Variants in NRXN3 observed in about 807,000 individuals in gnomAD.
NRXN3 encodes neurexin 3.
In NRXN3, 32 loss-of-function variants were observed where a neutral mutation model predicts 137.6. The observed-to-expected ratio is 0.23, with a 90% confidence interval of 0.18 to 0.31. The LOEUF (loss-of-function observed/expected upper bound fraction) is 0.31, where lower values mean the gene tolerates loss of function less well. Ranked by LOEUF, NRXN3 falls within the 10% of genes least tolerant of loss-of-function variation. The pLI, the probability that NRXN3 is intolerant of heterozygous loss-of-function variation, is 1.00. For missense variants in NRXN3, 1,574 were observed against 2,062.5 expected (o/e 0.76, Z 4.59); for synonymous variants, 798 against 784.5 (o/e 1.02, Z -0.29).
intron 8 of NRXN3, among the ~76,000 whole-genome samples, chr14:78,731,576 A>T (rs1051736920): frequency 6.7e-6 from 1 of 150,316 alleles, no homozygotes; most frequent in Non-Finnish European, 1.5e-5. Flanking sequence ...TGTATGCTTT[A>T]TTCTATTATT....
chr14:79,382,162 G>T (rs12888940), intron 15 of NRXN3, among the ~76,000 whole-genome samples: 1 of 152,036 alleles, frequency 6.6e-6, no homozygotes, highest in Non-Finnish European at 1.5e-5. Context: ...GGTAAAGCAC[G>T]TAGGACATCC....
chr14:78,802,216 G>C (rs2098841291), intron 8 of NRXN3, among the ~76,000 whole-genome samples: 1 of 152,208 alleles, frequency 6.6e-6, no homozygotes, highest in Non-Finnish European at 1.5e-5. Flanking sequence ...CTTGGTATCA[G>C]ATATATTGAG....
intron 8 of NRXN3, among the ~76,000 whole-genome samples, chr14:78,787,848 C>A (rs1057423821): frequency 6.6e-6 from 1 of 152,146 alleles, no homozygotes; most frequent in Non-Finnish European, 1.5e-5. Context: ...TGAATGCAAT[C>A]TCTACCATGA....
At chr14:78,783,555 T>C (rs897134107) in intron 8 of NRXN3, among the ~76,000 whole-genome samples, 1 of 152,168 alleles carries the variant, frequency 6.6e-6, no homozygotes, top group Non-Finnish European at 1.5e-5. Context: ...TTGCTATGAT[T>C]GATAATCATA....
intron 20 of NRXN3, among the ~76,000 whole-genome samples, chr14:79,846,483 C>T (rs2099373266): frequency 6.6e-6 from 1 of 152,108 alleles, no homozygotes; most frequent in South Asian, 2.1e-4. Flanking sequence ...TCTGCATGCC[C>T]AATCTACAGC....
At chr14:79,297,935 G>T (rs8005937) in intron 15 of NRXN3, among the ~76,000 whole-genome samples, 1,967 of 152,066 alleles carry the variant, frequency 0.013, 34 homozygotes, top group South Asian at 0.08. Flanking sequence ...TATGCCCCTT[G>T]GTAGGAGAGT....
At chr14:78,571,656 G>A (rs1375654659) in intron 4 of NRXN3, among the ~76,000 whole-genome samples, 5 of 152,148 alleles carry the variant, frequency 3.3e-5, no homozygotes, top group African/African-American at 9.7e-5. Context: ...TGAAAAAGGT[G>A]TGGAGGTATG....
chr14:78,794,729 G>A (rs371029939), intron 8 of NRXN3, among the ~76,000 whole-genome samples: 9 of 151,770 alleles, frequency 5.9e-5, no homozygotes, highest in African/African-American at 1.2e-4. Context: ...TTTTCTTTAT[G>A]TATGTCTACA....
chr14:78,225,699 A>G (rs2153430021), intron 1 of NRXN3, among the ~76,000 whole-genome samples: 1 of 152,204 alleles, frequency 6.6e-6, no homozygotes, highest in East Asian at 1.9e-4. Context: ...TGCATTCCAG[A>G]TAGATAGAAC....
chr14:79,280,409 G>A (rs1367279394), intron 15 of NRXN3: 1 of 1,614,054 alleles, frequency 6.2e-7, no homozygotes, highest in Non-Finnish European at 8.5e-7. Context: ...TTCTAATGTA[G>A]CTTCCTCCTC....
intron 8 of NRXN3, among the ~76,000 whole-genome samples, chr14:78,726,582 A>T (rs1375144859): frequency 7.0e-6 from 1 of 143,262 alleles, no homozygotes; most frequent in Non-Finnish European, 1.5e-5. Flanking sequence ...CAGTGATGCA[A>T]TCTCAGCTCA....
At chr14:78,877,336 C>G (rs111437047) in intron 10 of NRXN3, among the ~76,000 whole-genome samples, 1 of 152,074 alleles carries the variant, frequency 6.6e-6, no homozygotes, top group African/African-American at 2.4e-5. Context: ...CTGAAGGTCC[C>G]CATTCCATGC....
chr14:79,491,307 T>C (rs1005529633), intron 16 of NRXN3, among the ~76,000 whole-genome samples: 9 of 152,160 alleles, frequency 5.9e-5, no homozygotes, highest in African/African-American at 2.2e-4. Context: ...CACAATCTGC[T>C]CAGTGAATTA....
chr14:78,244,950 C>T (rs1368034900), intron 2 of NRXN3, among the ~76,000 whole-genome samples: 1 of 152,210 alleles, frequency 6.6e-6, no homozygotes, highest in Non-Finnish European at 1.5e-5. Flanking sequence ...GGGGTTAGAT[C>T]TAAGAGAGGT....
At chr14:78,425,039 A>G (rs1356832845) in intron 4 of NRXN3, among the ~76,000 whole-genome samples, 1 of 152,168 alleles carries the variant, frequency 6.6e-6, no homozygotes, top group Admixed American at 6.5e-5. Flanking sequence ...GGATCTACAA[A>G]TTGGACTGAA....
intron 16 of NRXN3, among the ~76,000 whole-genome samples, chr14:79,531,590 A>C (rs1229101872): frequency 6.6e-6 from 1 of 152,226 alleles, no homozygotes; most frequent in Non-Finnish European, 1.5e-5. Context: ...GGCAAATACC[A>C]ATAAGGTCAG....
At chr14:78,476,426 G>A (rs562876979) in intron 4 of NRXN3, among the ~76,000 whole-genome samples, 75 of 152,336 alleles carry the variant, frequency 4.9e-4, no homozygotes, top group African/African-American at 1.8e-3. Context: ...GCCAAGTGGG[G>A]AGGGCACACG....
chr14:78,865,391 T>C (rs1037495773), intron 10 of NRXN3, among the ~76,000 whole-genome samples: 2 of 152,182 alleles, frequency 1.3e-5, no homozygotes, highest in African/African-American at 4.8e-5. Context: ...GAAGGTTCAA[T>C]GTGCTTGAAA....
At chr14:78,455,421 C>G (rs1041885788) in intron 4 of NRXN3, among the ~76,000 whole-genome samples, 2 of 152,192 alleles carry the variant, frequency 1.3e-5, no homozygotes, top group African/African-American at 4.8e-5. Flanking sequence ...TTGATCTGTG[C>G]AGGAGGAACC....
Sources: gnomAD v4.1 joint callset for allele counts (sites outside exome capture counted in the v4.1 genomes callset) on GRCh38, gnomAD v4.1.1 for gene constraint, MANE v1.5 for transcripts, NCBI Gene and HGNC (gene_info 2026-07-23, HGNC 2026-07-21) for gene names.